Variants in RBFOX1 observed in about 807,000 individuals in gnomAD.
RBFOX1 encodes RNA binding protein fox-1 homolog 1.
RBFOX1 carries 8 observed loss-of-function variants against 57.7 expected under a neutral mutation model. The ratio of observed to expected loss-of-function variants is 0.14; its 90% CI spans 0.08 to 0.25. The LOEUF (loss-of-function observed/expected upper bound fraction) is 0.25. RBFOX1 is among the 10% of genes least tolerant of loss of function. The pLI, the probability that RBFOX1 is intolerant of heterozygous loss-of-function variation, is 1.00. For missense variants in RBFOX1, 611 were observed against 548.5 expected (o/e 1.11, Z -1.14); for synonymous variants, 326 against 222.4 (o/e 1.47, Z -4.15).
chr16:5,932,392 A>G (rs964081524), intron 4 of RBFOX1, among the ~76,000 whole-genome samples: 1 of 152,176 alleles, frequency 6.6e-6, no homozygotes, highest in Admixed American at 6.5e-5. Context: ...AACAACGGGA[A>G]TGAATATTGA....
rs546838410 is a variant in RBFOX1, at chr16:6,681,049, A to G, written c.-16+26399A>G. 7.9e-4 allele frequency among the ~76,000 whole-genome samples: 120 copies of G among 152,286 alleles called. 1 individual carries two copies. The highest frequency in any genetic ancestry group is 1.7e-3 in the Admixed American group (26 of 15,300). ...GTTTAGGCTGGGCATGATGGCTCAC[A>G]CCCATAATGCCAGTCCTTTGCAAGG... On this transcript the variant is annotated intron_variant, in intron 3 of 15. Coordinates refer to ENST00000550418, the MANE Select transcript of RBFOX1 (RefSeq NM_018723.4).
chr16:5,514,188 C>T (rs2043705882), intron 2 of RBFOX1, among the ~76,000 whole-genome samples: 1 of 152,142 alleles, frequency 6.6e-6, no homozygotes. Context: ...AGCTGGCAAT[C>T]CTGCTGGCTT....
At chr16:6,020,105 C>A in intron 1 of RBFOX1, 113 bp downstream of exon 1, 1 of 1,202,700 alleles carries the variant, frequency 8.3e-7, no homozygotes, top group Non-Finnish European at 1.1e-6. Flanking sequence ...CCTCCTAGCG[C>A]CAGTCTGGGC....
At chr16:7,270,110 T>C (rs576386940) in intron 4 of RBFOX1, among the ~76,000 whole-genome samples, 1 of 152,358 alleles carries the variant, frequency 6.6e-6, no homozygotes, top group South Asian at 2.1e-4. Flanking sequence ...AAGCTAATAC[T>C]TCTCGTTGAG....
chr16:7,063,575 G>C (rs1197171376), intron 4 of RBFOX1, among the ~76,000 whole-genome samples: 1 of 152,184 alleles, frequency 6.6e-6, no homozygotes, highest in Non-Finnish European at 1.5e-5. Context: ...GTTGAGAATA[G>C]TACTTTTCAA....
intron 4 of RBFOX1, among the ~76,000 whole-genome samples, chr16:7,370,268 TTTC>T (rs1555792538): frequency 1.3e-5 from 2 of 152,154 alleles, no homozygotes; most frequent in Non-Finnish European, 1.5e-5. Flanking sequence ...TCTAAGTTAT[TTTC>T]TTGGTACCCA....
chr16:7,347,484 T>C (rs1276531039), intron 4 of RBFOX1, among the ~76,000 whole-genome samples: 1 of 152,094 alleles, frequency 6.6e-6, no homozygotes, highest in African/African-American at 2.4e-5. Context: ...TCCCACCAGG[T>C]TCCTGTCATG....
chr16:5,430,488 A>G (rs1448043479), intron 1 of RBFOX1, among the ~76,000 whole-genome samples: 2 of 152,124 alleles, frequency 1.3e-5, no homozygotes, highest in Non-Finnish European at 2.9e-5. Context: ...AGAGCCTGGG[A>G]GGCGTTGGGG....
chr16:5,358,934 A>G (rs1426311189), intron 1 of RBFOX1, among the ~76,000 whole-genome samples: 1 of 152,104 alleles, frequency 6.6e-6, no homozygotes, highest in African/African-American at 2.4e-5. Flanking sequence ...GATACCCATT[A>G]TTCCTCCCCA....
At chr16:7,206,487 G>A (rs988677197) in intron 4 of RBFOX1, among the ~76,000 whole-genome samples, 1 of 150,086 alleles carries the variant, frequency 6.7e-6, no homozygotes, top group Non-Finnish European at 1.5e-5. Flanking sequence ...ATATATATAT[G>A]CACACACACA....
intron 10 of RBFOX1, among the ~76,000 whole-genome samples, chr16:7,622,349 T>C (rs1337429753): frequency 4.6e-5 from 7 of 152,244 alleles, no homozygotes; most frequent in Middle Eastern, 3.2e-3. Flanking sequence ...TTGAGCAGGA[T>C]ACCCAGTGAT....
At chr16:5,248,174 T>C (rs2333763) in intron 1 of RBFOX1, among the ~76,000 whole-genome samples, 3 of 152,276 alleles carry the variant, frequency 2.0e-5, no homozygotes, top group African/African-American at 7.2e-5. Context: ...GGAAGGGAGA[T>C]AAAAGAATGG....
intron 2 of RBFOX1, among the ~76,000 whole-genome samples, chr16:6,379,851 T>C (rs909559252): frequency 6.6e-5 from 10 of 151,988 alleles, no homozygotes; most frequent in Non-Finnish European, 7.4e-5. Flanking sequence ...CAGACGGGCA[T>C]GAGAGAACAA....
chr16:6,625,995 TTTATGTGCAATCAAA>T (rs1323388291), intron 2 of RBFOX1, among the ~76,000 whole-genome samples: 1 of 152,174 alleles, frequency 6.6e-6, no homozygotes, highest in African/African-American at 2.4e-5. Flanking sequence ...TCAAAATTGA[TTTATGTGCAATCAAA>T]TTATAGGAAT....
At position 5,799,952 on chromosome 16, in the gene RBFOX1, A is replaced by G. The variant is rs551442585; in HGVS notation, c.319-67351A>G. ...GTTCTGTTTCATATACTAAATATAT[A>G]TCTGTCTGTCCTCAGAAAATGAATA... On this transcript the variant is annotated intron_variant, in intron 3 of 19. Transcript: ENST00000641259. 2.6e-5 allele frequency among the ~76,000 whole-genome samples: 4 copies of G among 152,278 alleles called. No homozygotes were observed. In the South Asian group the frequency reaches 8.3e-4, roughly 32 times the overall value.
chr16:6,799,195 G>T (rs953745486), intron 3 of RBFOX1, among the ~76,000 whole-genome samples: 1 of 152,088 alleles, frequency 6.6e-6, no homozygotes, highest in Non-Finnish European at 1.5e-5. Flanking sequence ...TGATGGAGGA[G>T]AGCCAGTTTA....
chr16:5,818,582 A>AT (rs917341870), intron 3 of RBFOX1, among the ~76,000 whole-genome samples: 7 of 152,214 alleles, frequency 4.6e-5, no homozygotes, highest in East Asian at 1.9e-4. Flanking sequence ...ATTAATAAGC[A>AT]TTTTTTGAAC....
At position 5,676,434 on chromosome 16, in the gene RBFOX1, T is replaced by C. The variant is rs2050171190; in HGVS notation, c.318+77473T>C. On this transcript the variant is annotated intron_variant, in intron 3 of 19. Transcript: ENST00000641259. ...TAGGAAGTTAAGAGAGCAGACTCAA[T>C]CTCACATCTCCCTCTCACTAGCTGT... is the stretch of plus-strand genomic sequence containing the variant. Among the ~76,000 whole-genome samples, 2 of 152,166 alleles carry C rather than the reference T, an allele frequency of 1.3e-5. 1 individual carries two copies. The highest frequency in any genetic ancestry group is 4.1e-4 in the South Asian group (2 of 4,832).
At chr16:5,967,182 C>T (rs760419004) in intron 4 of RBFOX1, among the ~76,000 whole-genome samples, 1 of 152,060 alleles carries the variant, frequency 6.6e-6, no homozygotes, top group South Asian at 2.1e-4. Flanking sequence ...TACTACTTGA[C>T]CTTTTACAAA....
Sources: gnomAD v4.1 joint callset for allele counts (sites outside exome capture counted in the v4.1 genomes callset) on GRCh38, gnomAD v4.1.1 for gene constraint, MANE v1.5 for transcripts, NCBI Gene and HGNC (gene_info 2026-07-23, HGNC 2026-07-21) for gene names.